EXOC4: variants seen among roughly 807,000 people sequenced by gnomAD.
EXOC4 encodes the protein SEC8-like 1.
EXOC4 carries 71 observed loss-of-function variants against 107.2 expected under a neutral mutation model. The observed-to-expected ratio is 0.66, with a 90% confidence interval of 0.55 to 0.81. The LOEUF is 0.81. EXOC4 is among the 30% of genes least tolerant of loss of function. The pLI, the probability that EXOC4 is intolerant of heterozygous loss-of-function variation, is 0.00. For synonymous variants in EXOC4, 456 were observed against 441.2 expected, an observed-to-expected ratio of 1.03 and a Z score of -0.42; for missense variants, 1,108 against 1,189.6, an observed-to-expected ratio of 0.93 and a Z score of 1.01.
At chr7:133,775,404 A>G (rs6950723) in intron 10 of EXOC4, among the ~76,000 whole-genome samples, 150,302 of 152,314 alleles carry the variant, frequency 0.99, 74,201 homozygotes, top group Middle Eastern at 1. Flanking sequence ...CAGTTTGACA[A>G]TCTCACAGGG....
chr7:133,581,870 C>T (rs1355173199), intron 9 of EXOC4, among the ~76,000 whole-genome samples: 1 of 151,952 alleles, frequency 6.6e-6, no homozygotes, highest in East Asian at 1.9e-4. Context: ...AAACTGAGGC[C>T]TCATGGCAGA....
intron 9 of EXOC4, among the ~76,000 whole-genome samples, chr7:133,601,361 A>C (rs1019228926): frequency 6.6e-6 from 1 of 151,998 alleles, no homozygotes; most frequent in African/African-American, 2.4e-5. Context: ...GTGTGTGTAC[A>C]TGTATGTGTA....
chr7:133,751,037 A>G (rs953942535), intron 10 of EXOC4, among the ~76,000 whole-genome samples: 1 of 152,248 alleles, frequency 6.6e-6, no homozygotes, highest in African/African-American at 2.4e-5. Context: ...GGAAGAAAGT[A>G]CTTTTTCCTC....
chr7:133,501,325 C>G (rs543747620), intron 9 of EXOC4, among the ~76,000 whole-genome samples: 2 of 152,062 alleles, frequency 1.3e-5, no homozygotes, highest in Non-Finnish European at 2.9e-5. Flanking sequence ...GTATCTGAAA[C>G]TGACAGACTG....
At position 133,275,134 on chromosome 7, in the gene EXOC4, CAG is replaced by C; in HGVS notation, c.242_243del (p.Glu81AlafsTer4). ...GCCATTCGCACATACCAGAGCATCA[CAG>C]AGCGCATCACTAACTCCCGAAATAA... On this transcript the variant is annotated frameshift_variant, in exon 2 of 18. Transcript: ENST00000253861. LOFTEE classifies it high-confidence loss of function. 3 of 1,607,418 alleles carry C rather than the reference CAG, an allele frequency of 1.9e-6. No individual in the cohort carries two copies. Among genetic ancestry groups the C allele is most frequent in the Non-Finnish European group, 2.5e-6 (3 of 1,176,800 alleles).
At chr7:133,814,342 A>G (rs2550991) in intron 10 of EXOC4, among the ~76,000 whole-genome samples, 1 of 152,028 alleles carries the variant, frequency 6.6e-6, no homozygotes, top group Non-Finnish European at 1.5e-5. Context: ...TTAGTACATC[A>G]AAAGTTTCCA....
At chr7:133,786,468 T>G (rs1432723210) in intron 10 of EXOC4, among the ~76,000 whole-genome samples, 1 of 152,336 alleles carries the variant, frequency 6.6e-6, no homozygotes, top group East Asian at 1.9e-4. Flanking sequence ...ACTATCCATG[T>G]TGGTGGATCC....
At chr7:133,571,679 CAAAA>C (rs79894289) in intron 9 of EXOC4, among the ~76,000 whole-genome samples, 9 of 112,168 alleles carry the variant, frequency 8.0e-5, no homozygotes, top group Admixed American at 9.3e-5. Flanking sequence ...TGCCTCAAAG[CAAAA>C]AAAAAAAAAA....
chr7:133,938,148 C>T (rs1800347000), intron 14 of EXOC4, 79 bp downstream of exon 14: 2 of 1,434,100 alleles, frequency 1.4e-6, no homozygotes, highest in African/African-American at 1.4e-5. Flanking sequence ...TGAGAGTGTA[C>T]ACTGGTCACC....
At chr7:133,805,587 G>A (rs934645216) in intron 10 of EXOC4, among the ~76,000 whole-genome samples, 3 of 152,150 alleles carry the variant, frequency 2.0e-5, no homozygotes, top group African/African-American at 7.2e-5. Context: ...TAGTAAAAGG[G>A]CATTCACCAT....
At chr7:133,615,743 C>T (rs780441669) in intron 9 of EXOC4, among the ~76,000 whole-genome samples, 7 of 152,138 alleles carry the variant, frequency 4.6e-5, no homozygotes, top group Non-Finnish European at 2.9e-5. Context: ...AGAGCCTTTT[C>T]GTTGGTAACC....
chr7:133,361,948 G>A (rs1180066337), intron 6 of EXOC4, among the ~76,000 whole-genome samples: 1 of 152,082 alleles, frequency 6.6e-6, no homozygotes, highest in Non-Finnish European at 1.5e-5. Flanking sequence ...AATGTTTAAA[G>A]TGTTTATTTC....
chr7:133,977,823 G>T (rs572851068), intron 14 of EXOC4, among the ~76,000 whole-genome samples: 1 of 152,052 alleles, frequency 6.6e-6, no homozygotes, highest in Non-Finnish European at 1.5e-5. Context: ...TGTAAAGTCT[G>T]AATTGGGTAA....
rs115964816 is a variant in EXOC4 at position 133,317,481 on chromosome 7, G to T, written c.763+91G>T. 4,634 of 882,748 alleles carry T rather than the reference G, an allele frequency of 5.2e-3. 127 individuals carry two copies. In the African/African-American group the frequency reaches 0.068, roughly 13 times the overall value. The allele number at this position is 882,748 out of a possible 1,614,324, so 54.7% of individuals were successfully genotyped here. ...AGGAGCTTTTTGGGGGCTGAGCTAGGTTGGGCTGGGCTAGGTGGGCCTGAG... is the reference window on the plus strand; with the variant it reads ...AGGAGCTTTTTGGGGGCTGAGCTAGTTTGGGCTGGGCTAGGTGGGCCTGAG... On this transcript the variant is annotated intron_variant, in intron 5 of 17. Coordinates refer to ENST00000253861, the MANE Select transcript of EXOC4 (RefSeq NM_021807.4).
chr7:133,489,933 G>A (rs1047341902), intron 9 of EXOC4, among the ~76,000 whole-genome samples: 7 of 152,144 alleles, frequency 4.6e-5, no homozygotes, highest in African/African-American at 1.7e-4. Context: ...CAGCCAACAT[G>A]GACGTGTAAT....
intron 9 of EXOC4, among the ~76,000 whole-genome samples, chr7:133,575,976 G>A (rs1801118337): frequency 6.6e-6 from 1 of 152,140 alleles, no homozygotes; most frequent in Non-Finnish European, 1.5e-5. Flanking sequence ...CTGACAGATG[G>A]GCACAGTGAA....
At chr7:133,475,556 C>A in intron 8 of EXOC4, 83 bp downstream of exon 8, 1 of 1,214,696 alleles carries the variant, frequency 8.2e-7, no homozygotes, top group South Asian at 1.4e-5. Flanking sequence ...ATAGCCATAA[C>A]TTTGTCTAGC....
At chr7:133,876,363 A>T (rs1318713934) in intron 11 of EXOC4, among the ~76,000 whole-genome samples, 1 of 151,880 alleles carries the variant, frequency 6.6e-6, no homozygotes, top group African/African-American at 2.4e-5. Flanking sequence ...ACCTCGAGTG[A>T]GTCTTCCCAG....
chr7:133,584,947 A>T (rs1021754606), intron 9 of EXOC4, among the ~76,000 whole-genome samples: 2 of 152,168 alleles, frequency 1.3e-5, no homozygotes, highest in Non-Finnish European at 2.9e-5. Context: ...GTGAAAAAAA[A>T]GTTTGAAAGT....
Sources: allele counts gnomAD v4.1 joint callset (sites outside exome capture counted in the v4.1 genomes callset), GRCh38; gene constraint gnomAD v4.1.1; transcripts MANE v1.5; gene names NCBI Gene and HGNC (gene_info 2026-07-23, HGNC 2026-07-21).